Variants in SYNDIG1 observed in about 807,000 individuals in gnomAD.
SYNDIG1 encodes the protein synapse differentiation-inducing gene protein 1.
SYNDIG1 carries 9 observed loss-of-function variants against 19.4 expected under a neutral mutation model. The observed-to-expected ratio is 0.46, with a 90% CI of 0.28 to 0.81. The LOEUF is 0.81. SYNDIG1 is among the 30% of genes least tolerant of loss of function. The probability of loss-of-function intolerance (pLI) is 0.12; values close to 1 mark genes in which losing one functional copy is unlikely to be tolerated. For synonymous variants in SYNDIG1, 141 were observed against 145.9 expected (o/e 0.97, Z 0.24); for missense variants, 311 against 343.3 (o/e 0.91, Z 0.74).
chr20:24,648,739 G>A (rs1202953897), intron 3 of SYNDIG1, among the ~76,000 whole-genome samples: 1 of 152,326 alleles, frequency 6.6e-6, no homozygotes, highest in East Asian at 1.9e-4. Flanking sequence ...AGAAACGAGT[G>A]CCCAAGCCAA....
At chr20:24,598,875 A>G (rs1392829622) in intron 3 of SYNDIG1, among the ~76,000 whole-genome samples, 1 of 152,202 alleles carries the variant, frequency 6.6e-6, no homozygotes, top group African/African-American at 2.4e-5. Context: ...AAGACCAAAA[A>G]CTATAAAACT....
chr20:24,605,830 C>T (rs185766570), intron 3 of SYNDIG1, among the ~76,000 whole-genome samples: 1 of 152,258 alleles, frequency 6.6e-6, no homozygotes, highest in East Asian at 1.9e-4. Flanking sequence ...CGTGTGGGAC[C>T]CAGAGTTGAC....
rs369272627 is a variant in SYNDIG1 at position 24,650,657 on chromosome 20, G to A, written c.619-14689G>A. 1.1e-3 allele frequency among the ~76,000 whole-genome samples: 173 copies of A among 152,348 alleles called. 4 individuals carry two copies. The South Asian group carries it at 0.035, about 31-fold the overall frequency. The stretch of plus-strand genomic sequence containing the variant: ...CCAGCCCAGCCTCCCAGCTAGGACA[G>A]CGTTCCAGCGTGCTCTTGCCAGCTG... On this transcript the variant is annotated intron_variant, in intron 3 of 3. Transcript: ENST00000376862.
intron 2 of SYNDIG1, among the ~76,000 whole-genome samples, chr20:24,569,189 T>G (rs2058101023): frequency 6.6e-6 from 1 of 152,202 alleles, no homozygotes; most frequent in Non-Finnish European, 1.5e-5. Context: ...TACTGTGATT[T>G]GACCACAGGA....
chr20:24,492,816 A>C (rs1218498216), intron 1 of SYNDIG1, among the ~76,000 whole-genome samples: 1 of 152,208 alleles, frequency 6.6e-6, no homozygotes, highest in African/African-American at 2.4e-5. Context: ...GCCAAAGTCC[A>C]ACTCTGCCCT....
intron 3 of SYNDIG1, among the ~76,000 whole-genome samples, chr20:24,611,008 C>G (rs746951420): frequency 6.6e-6 from 1 of 152,192 alleles, no homozygotes; most frequent in Non-Finnish European, 1.5e-5. Context: ...AGGCACAATT[C>G]CTGGCAGATT....
At position 24,588,169 on chromosome 20, in the gene SYNDIG1, A is replaced by G. The variant is rs147814557; in HGVS notation, c.618+3176A>G. 1.6e-4 allele frequency among the ~76,000 whole-genome samples: 24 copies of G among 152,124 alleles called. 1 individual carries two copies. In the East Asian group the frequency reaches 4.5e-3, roughly 28 times the overall value. On this transcript the variant is annotated intron_variant, in intron 3 of 3. Coordinates refer to ENST00000376862, the MANE Select transcript of SYNDIG1 (RefSeq NM_024893.3). ...GATTTCCAGGGTGTGCGGTTAGCTG[A>G]GGGTTAGAGATGAAGGCCAGTGAAA...
rs116736808 is a variant in SYNDIG1 at position 24,612,780 on chromosome 20, G to A, written c.618+27787G>A. Among the ~76,000 whole-genome samples the A allele has an allele frequency of 8.7e-3, 1,321 of 152,284 alleles. 25 individuals are homozygous for A. The highest frequency in any genetic ancestry group is 0.03 in the African/African-American group (1,227 of 41,554). The stretch of plus-strand genomic sequence containing the variant: ...TTGCAGGAGTCAAGAACTCAGGGTC[G>A]GAGAGGCTCCTGGATCTAGAAACAT... On this transcript the variant is annotated intron_variant, in intron 3 of 3. Coordinates refer to ENST00000376862, the MANE Select transcript of SYNDIG1 (RefSeq NM_024893.3).
chr20:24,471,558 T>A (rs1329882290), intron 1 of SYNDIG1, among the ~76,000 whole-genome samples: 1 of 150,066 alleles, frequency 6.7e-6, no homozygotes, highest in Non-Finnish European at 1.5e-5. Context: ...CCTGTCCCCA[T>A]TTCCTGCCTG....
chr20:24,512,794 G>A (rs373530409), intron 1 of SYNDIG1, among the ~76,000 whole-genome samples: 4 of 152,198 alleles, frequency 2.6e-5, no homozygotes, highest in African/African-American at 9.6e-5. Flanking sequence ...CTCCCAGCAC[G>A]GAGTTTGAGA....
intron 2 of SYNDIG1, among the ~76,000 whole-genome samples, chr20:24,572,776 C>T (rs952276653): frequency 2.0e-5 from 3 of 152,274 alleles, no homozygotes; most frequent in East Asian, 1.9e-4. Flanking sequence ...TTTCCATTCC[C>T]ATGGCATTTT....
chr20:24,510,190 A>G (rs1568597249), intron 1 of SYNDIG1, among the ~76,000 whole-genome samples: 1 of 152,170 alleles, frequency 6.6e-6, no homozygotes, highest in Non-Finnish European at 1.5e-5. Flanking sequence ...CTTTATAGCA[A>G]TGCTAGAACA....
At chr20:24,521,419 G>T (rs1443720548) in intron 1 of SYNDIG1, among the ~76,000 whole-genome samples, 4 of 152,018 alleles carry the variant, frequency 2.6e-5, no homozygotes, top group Non-Finnish European at 4.4e-5. Context: ...GCAGTGAAAT[G>T]GCTGCTGTAT....
rs936408416 is a variant in SYNDIG1, at chr20:24,655,683, A to G, written c.619-9663A>G. Among the ~76,000 whole-genome samples, 14 of 152,188 alleles carry G rather than the reference A, an allele frequency of 9.2e-5. No individual in the cohort carries two copies. In the East Asian group the frequency reaches 2.7e-3, roughly 29 times the overall value. On this transcript the variant is annotated intron_variant, in intron 3 of 3. Transcript: ENST00000376862. ...CTGTGAACATATTCCTTTGATGATA[A>G]AAACTATTTTAGAAACTAAATATAT... is the stretch of plus-strand genomic sequence containing the variant.
chr20:24,566,843 A>G (rs913562800), intron 2 of SYNDIG1, among the ~76,000 whole-genome samples: 4 of 152,130 alleles, frequency 2.6e-5, no homozygotes, highest in Non-Finnish European at 5.9e-5. Context: ...CGGGACTGAG[A>G]GTCTGCATTC....
intron 3 of SYNDIG1, among the ~76,000 whole-genome samples, chr20:24,654,699 A>AG: frequency 6.7e-6 from 1 of 149,526 alleles, no homozygotes; most frequent in Non-Finnish European, 1.5e-5. Context: ...GAAGGAAGGA[A>AG]GAGTTAGAGA....
chr20:24,581,588 C>T (rs150672013), intron 2 of SYNDIG1, among the ~76,000 whole-genome samples: 5 of 152,162 alleles, frequency 3.3e-5, no homozygotes, highest in South Asian at 2.1e-4. Flanking sequence ...CTGACACCCC[C>T]GAAGCCACAT....
chr20:24,496,183 T>C (rs2056300778), intron 1 of SYNDIG1, among the ~76,000 whole-genome samples: 1 of 152,204 alleles, frequency 6.6e-6, no homozygotes, highest in Admixed American at 6.5e-5. Context: ...ACTGCATGTT[T>C]CAGGAGCAGC....
intron 2 of SYNDIG1, 32 bp downstream of exon 2, chr20:24,543,609 A>G (rs4813519): frequency 1 from 1,590,210 of 1,590,210 alleles, 795,105 homozygotes; most frequent in Non-Finnish European, 1. Context: ...AGGCCCTCTA[A>G]GAATGTGTGA....
Sources: allele counts gnomAD v4.1 joint callset (sites outside exome capture counted in the v4.1 genomes callset), GRCh38; gene constraint gnomAD v4.1.1; transcripts MANE v1.5; gene names NCBI Gene and HGNC (gene_info 2026-07-23, HGNC 2026-07-21).